Variants in PDE3A observed in about 807,000 individuals in gnomAD.
PDE3A encodes the protein cGMP-inhibited 3',5'-cyclic phosphodiesterase 3A.
PDE3A carries 43 observed loss-of-function variants against 98.3 expected under a neutral mutation model. The ratio of observed to expected loss-of-function variants is 0.44; its 90% CI spans 0.34 to 0.56. PDE3A has a LOEUF of 0.56. Ranked by LOEUF, PDE3A falls within the 20% of genes least tolerant of loss-of-function variation. The probability of loss-of-function intolerance (pLI) is 0.01; values close to 1 mark genes in which losing one functional copy is unlikely to be tolerated. For synonymous variants in PDE3A, 663 were observed against 567.9 expected (o/e 1.17, Z -2.38); for missense variants, 1,427 against 1,440.7 (o/e 0.99, Z 0.15).
At chr12:20,626,259 C>T (rs71446704) in intron 5 of PDE3A, among the ~76,000 whole-genome samples, 29,875 of 147,730 alleles carry the variant, frequency 0.2, 3,406 homozygotes, top group Admixed American at 0.24. Context: ...CTGCATTTAT[C>T]TCCCTATCTT....
At position 20,489,438 on chromosome 12, in the gene PDE3A, T is replaced by TA. The variant is rs1196760485; in HGVS notation, c.961-67216dup. 2.6e-5 allele frequency among the ~76,000 whole-genome samples: 4 copies of TA among 152,166 alleles called. 1 individual carries two copies. Among genetic ancestry groups the TA allele is most frequent in the Non-Finnish European group, 5.9e-5 (4 of 68,026 alleles). On this transcript the variant is annotated intron_variant, in intron 1 of 15. Transcript: ENST00000359062. ...CCAGAGTCTTATTACCATTTTGATT[T>TA]AAAAAACATTGTTTTGGGTCTCAGT...
chr12:20,637,136 G>T lies in PDE3A; in HGVS notation c.2038G>T (p.Asp680Tyr). 6.2e-7 allele frequency: 1 copy of T among 1,609,982 alleles called. No homozygotes were observed. The highest frequency in any genetic ancestry group is 8.5e-7 in the Non-Finnish European group (1 of 1,177,722). Residue 680 changes from aspartate (D) to tyrosine (Y), a missense_variant, in exon 9 of 16, where the codon GAT (aspartate) becomes TAT (tyrosine). Asp to Tyr is a radical substitution (Grantham distance 160). Around this residue, in one of 3 missense-constraint regions of PDE3A, gnomAD observed 1,012 missense variants for 886.5 expected, o/e 1.14. Coordinates refer to ENST00000359062, the MANE Select transcript of PDE3A (RefSeq NM_000921.5). ...TCTTGCTCCCGAACCTCTTGTCATG[G>T]ATAACCTGGACTCAATTATGGAGCA... ...PILAPEPLVM[D>Y]NLDSIMEQLN...
At chr12:20,651,767 A>ATTT (rs1555106627) in intron 14 of PDE3A, among the ~76,000 whole-genome samples, 3 of 151,536 alleles carry the variant, frequency 2.0e-5, no homozygotes, top group Admixed American at 6.6e-5. Context: ...AGAATGAAAG[A>ATTT]TTTTTTTTAT....
chr12:20,679,469 A>G (rs145743838), intron 15 of PDE3A, among the ~76,000 whole-genome samples: 3,184 of 152,216 alleles, frequency 0.021, 89 homozygotes, highest in African/African-American at 0.062. Context: ...GGATGGTCTC[A>G]ATCTCCTGAG....
intron 1 of PDE3A, among the ~76,000 whole-genome samples, chr12:20,392,051 A>T (rs1361489651): frequency 4.6e-5 from 7 of 151,968 alleles, no homozygotes; most frequent in African/African-American, 1.7e-4. Flanking sequence ...CCCTTAACAC[A>T]TACTAGGACT....
At chr12:20,461,392 T>TG (rs1413891642) in intron 1 of PDE3A, among the ~76,000 whole-genome samples, 3 of 152,108 alleles carry the variant, frequency 2.0e-5, no homozygotes, top group Non-Finnish European at 4.4e-5. Context: ...TAAATCCAAT[T>TG]GGAAACAAAA....
At chr12:20,516,182 A>G (rs1364732709) in intron 1 of PDE3A, among the ~76,000 whole-genome samples, 2 of 151,986 alleles carry the variant, frequency 1.3e-5, no homozygotes, top group South Asian at 2.1e-4. Context: ...CTTTTTTTTC[A>G]TAGATTCTTA....
intron 1 of PDE3A, among the ~76,000 whole-genome samples, chr12:20,409,105 C>T (rs1274613631): frequency 6.6e-6 from 1 of 152,112 alleles, no homozygotes; most frequent in African/African-American, 2.4e-5. Context: ...CACAGAACTC[C>T]AGCCTCTTCA....
At chr12:20,665,134 A>G (rs1945277894) in intron 15 of PDE3A, among the ~76,000 whole-genome samples, 3 of 152,140 alleles carry the variant, frequency 2.0e-5, no homozygotes, top group South Asian at 4.1e-4. Flanking sequence ...AGACTCCATA[A>G]GACTCAGTAT....
intron 1 of PDE3A, among the ~76,000 whole-genome samples, chr12:20,386,100 AATATATATATAAAT>A (rs1943775384): frequency 5.8e-5 from 1 of 17,162 alleles, no homozygotes; most frequent in Non-Finnish European, 1.3e-4. Flanking sequence ...AATATATATA[AATATATATATAAAT>A]ATATATAAAT....
In PDE3A at chr12:20,654,176, A is replaced by G. The variant is rs1944985255; in HGVS notation, c.3155A>G (p.Glu1052Gly). The G allele has an allele frequency of 1.9e-6, 3 of 1,614,032 alleles. No individual in the cohort carries two copies. Among genetic ancestry groups the G allele is most frequent in the Admixed American group, 1.7e-5 (1 of 60,000 alleles). ...GAAGAAGCACCAGCACCAAATGAAG[A>G]GGAAACCTGTGAAAATAATGAATCT... ...EEEEAPAPNE[E>G]ETCENNESPK... is the part of the protein sequence containing the mutation. The change falls in exon 15 of 16, where the codon GAG becomes GGG. Residue 1052 changes from glutamate (E) to glycine (G), a missense_variant. Physicochemically the swap from Glu to Gly is moderately conservative, Grantham distance 98. This residue lies in a region of PDE3A where 142 missense variants were observed against 133.9 expected (regional missense o/e 1.06). Coordinates refer to ENST00000359062, the MANE Select transcript of PDE3A (RefSeq NM_000921.5).
At chr12:20,504,587 G>A (rs1297207378) in intron 1 of PDE3A, among the ~76,000 whole-genome samples, 2 of 152,036 alleles carry the variant, frequency 1.3e-5, no homozygotes, top group East Asian at 1.9e-4. Context: ...CAAGGTGCTG[G>A]CAAGGTCTCA....
At chr12:20,621,890 C>T (rs1190065165) in intron 5 of PDE3A, among the ~76,000 whole-genome samples, 4 of 151,940 alleles carry the variant, frequency 2.6e-5, no homozygotes, top group Admixed American at 6.6e-5. Flanking sequence ...GGAAGACTAC[C>T]TCATTTGTTC....
chr12:20,489,672 C>A (rs1214711896), intron 1 of PDE3A, among the ~76,000 whole-genome samples: 1 of 151,918 alleles, frequency 6.6e-6, no homozygotes, highest in Non-Finnish European at 1.5e-5. Context: ...ATAGTTAATC[C>A]CCTTTTTTGC....
intron 1 of PDE3A, among the ~76,000 whole-genome samples, chr12:20,539,013 T>G (rs570707562): frequency 6.6e-6 from 1 of 152,144 alleles, no homozygotes. Context: ...TTGAATCCCT[T>G]AACACGTGCC....
At chr12:20,434,626 T>C (rs1471028632) in intron 1 of PDE3A, among the ~76,000 whole-genome samples, 3 of 152,044 alleles carry the variant, frequency 2.0e-5, no homozygotes, top group African/African-American at 4.8e-5. Flanking sequence ...TCATATGACA[T>C]GTAAGAAGGG....
At chr12:20,471,519 C>G (rs1304576500) in intron 1 of PDE3A, among the ~76,000 whole-genome samples, 6 of 152,160 alleles carry the variant, frequency 3.9e-5, no homozygotes, top group South Asian at 4.1e-4. Context: ...CAATCATGCT[C>G]TCTCTTCCCC....
intron 1 of PDE3A, among the ~76,000 whole-genome samples, chr12:20,487,503 A>T (rs1945750321): frequency 2.3e-5 from 1 of 42,664 alleles, no homozygotes; most frequent in South Asian, 5.6e-4. Flanking sequence ...GTCTCTACTA[A>T]AAAAAAAAAA....
intron 10 of PDE3A, among the ~76,000 whole-genome samples, chr12:20,641,093 G>T (rs1277001954): frequency 1.3e-5 from 2 of 152,040 alleles, no homozygotes; most frequent in Non-Finnish European, 2.9e-5. Flanking sequence ...TTTATTATGA[G>T]CATATTTATT....
Sources: allele counts gnomAD v4.1 joint callset (sites outside exome capture counted in the v4.1 genomes callset), GRCh38; gene constraint gnomAD v4.1.1; regional missense constraint gnomAD v4.1.1; transcripts MANE v1.5; gene names NCBI Gene and HGNC (gene_info 2026-07-23, HGNC 2026-07-21).